Variants in ARHGAP28 observed in about 807,000 individuals in gnomAD.
The protein encoded by ARHGAP28 is rho GTPase-activating protein 28.
Under a neutral mutation model 90.7 loss-of-function variants are expected in ARHGAP28, and 56 were observed. That is an observed-to-expected ratio of 0.62 (90% CI 0.50 to 0.77). The LOEUF is 0.77. Ranked by LOEUF, ARHGAP28 falls within the 30% of genes least tolerant of loss-of-function variation. The pLI is 0.00. For missense variants in ARHGAP28, 869 were observed against 900.9 expected, an observed-to-expected ratio of 0.96 and a Z score of 0.45; for synonymous variants, 308 against 323.3, an observed-to-expected ratio of 0.95 and a Z score of 0.51.
At chr18:6,902,365 T>C (rs34607781) in intron 16 of ARHGAP28, among the ~76,000 whole-genome samples, 80,016 of 151,942 alleles carry the variant, frequency 0.53, 21,353 homozygotes, top group Middle Eastern at 0.63. Flanking sequence ...ACCATTGTCA[T>C]AGTTTTTCTG....
At chr18:6,753,082 G>C (rs748306788) in intron 1 of ARHGAP28, among the ~76,000 whole-genome samples, 1 of 151,992 alleles carries the variant, frequency 6.6e-6, no homozygotes, top group Non-Finnish European at 1.5e-5. Context: ...AGTGATTCTG[G>C]GTCTAGACTA....
chr18:6,764,638 C>A (rs1352174425), intron 1 of ARHGAP28, among the ~76,000 whole-genome samples: 1 of 152,160 alleles, frequency 6.6e-6, no homozygotes, highest in East Asian at 1.9e-4. Context: ...TTGGATATGA[C>A]CTGTGTGTTA....
At chr18:6,891,709 T>C (rs1381061677) in intron 14 of ARHGAP28, among the ~76,000 whole-genome samples, 10 of 152,098 alleles carry the variant, frequency 6.6e-5, no homozygotes, top group Admixed American at 5.9e-4. Flanking sequence ...TGCCTGAGCC[T>C]CTCCAGTAGC....
At chr18:6,760,154 C>T (rs922743001) in intron 1 of ARHGAP28, among the ~76,000 whole-genome samples, 1 of 152,024 alleles carries the variant, frequency 6.6e-6, no homozygotes, top group Non-Finnish European at 1.5e-5. Flanking sequence ...AGAAGTGCAG[C>T]GAACAGATAG....
intron 1 of ARHGAP28, among the ~76,000 whole-genome samples, chr18:6,796,349 A>C (rs910235247): frequency 6.6e-6 from 1 of 152,026 alleles, no homozygotes; most frequent in Non-Finnish European, 1.5e-5. Flanking sequence ...ACAAATCTTC[A>C]GCTTCCCTCA....
chr18:6,853,801 A>C (rs532882092), intron 4 of ARHGAP28, among the ~76,000 whole-genome samples: 2 of 152,216 alleles, frequency 1.3e-5, no homozygotes, highest in East Asian at 3.9e-4. Flanking sequence ...AAATCTACCC[A>C]TGACCTGGAA....
At chr18:6,896,475 CTG>C (rs1567986534) in intron 15 of ARHGAP28, 25 bp from the exon 16 acceptor site, 1 of 1,611,448 alleles carries the variant, frequency 6.2e-7, no homozygotes, top group East Asian at 2.2e-5. Context: ...GTTTGACAGA[CTG>C]TACTGAATTT....
At chr18:6,873,611 T>G (rs946008467) in intron 8 of ARHGAP28, 37 bp downstream of exon 8, 17 of 1,610,196 alleles carry the variant, frequency 1.1e-5, no homozygotes, top group Middle Eastern at 1.7e-4. Context: ...GCTTTAACAC[T>G]TTGACACAGT....
At chr18:6,885,601 A>T (rs937012575) in intron 11 of ARHGAP28, among the ~76,000 whole-genome samples, 37 of 152,224 alleles carry the variant, frequency 2.4e-4, no homozygotes, top group African/African-American at 8.0e-4. Context: ...AATACTTGTG[A>T]CGGGGATGTA....
chr18:6,853,158 C>T (rs962829309), intron 4 of ARHGAP28, among the ~76,000 whole-genome samples: 2 of 152,128 alleles, frequency 1.3e-5, no homozygotes, highest in Non-Finnish European at 2.9e-5. Flanking sequence ...ACCTGGGGGT[C>T]CATGGTGTAA....
chr18:6,784,728 A>G (rs1011303151), intron 1 of ARHGAP28, among the ~76,000 whole-genome samples: 3 of 152,234 alleles, frequency 2.0e-5, no homozygotes, highest in Non-Finnish European at 2.9e-5. Context: ...ACAAAGGCCA[A>G]AGTTATCCAA....
intron 2 of ARHGAP28, among the ~76,000 whole-genome samples, chr18:6,828,169 T>G (rs1406718752): frequency 6.6e-6 from 1 of 152,192 alleles, no homozygotes; most frequent in African/African-American, 2.4e-5. Context: ...GCCAACACAG[T>G]GAAACCCCGT....
intron 11 of ARHGAP28, among the ~76,000 whole-genome samples, chr18:6,885,289 AC>A (rs1264353982): frequency 6.6e-6 from 1 of 152,204 alleles, no homozygotes; most frequent in Admixed American, 6.5e-5. Flanking sequence ...CTGGCCTGCT[AC>A]CAGCAGGAAA....
chr18:6,803,395 C>T (rs1306018241), intron 1 of ARHGAP28, among the ~76,000 whole-genome samples: 1 of 151,848 alleles, frequency 6.6e-6, no homozygotes, highest in Non-Finnish European at 1.5e-5. Context: ...GATTATTTTT[C>T]AAACGTTAAA....
intron 1 of ARHGAP28, among the ~76,000 whole-genome samples, chr18:6,744,305 A>G (rs2056004142): frequency 6.6e-6 from 1 of 152,124 alleles, no homozygotes; most frequent in Non-Finnish European, 1.5e-5. Flanking sequence ...TGAGGGTGGG[A>G]GAGTAGAGAC....
chr18:6,731,592 A>G (rs1035172967), intron 1 of ARHGAP28, among the ~76,000 whole-genome samples: 2 of 152,192 alleles, frequency 1.3e-5, no homozygotes, highest in African/African-American at 4.8e-5. Context: ...CCAAGTTTGC[A>G]TTTTTGGTGA....
intron 1 of ARHGAP28, among the ~76,000 whole-genome samples, chr18:6,798,887 A>G (rs1031038695): frequency 1.3e-4 from 20 of 152,210 alleles, no homozygotes; most frequent in African/African-American, 4.8e-4. Context: ...TGCATTTAAT[A>G]TTTACTCATG....
chr18:6,760,351 T>A (rs774977991), intron 1 of ARHGAP28, among the ~76,000 whole-genome samples: 1 of 152,156 alleles, frequency 6.6e-6, no homozygotes, highest in Non-Finnish European at 1.5e-5. Flanking sequence ...CAAACCAGAC[T>A]ACAATCCCCA....
chr18:6,841,203 C>CTCTCCTCTCTCACTGTCT (rs754874496), intron 3 of ARHGAP28, among the ~76,000 whole-genome samples: 1 of 41,972 alleles, frequency 2.4e-5, no homozygotes, highest in Non-Finnish European at 4.2e-5. Flanking sequence ...CTCTCTCTCT[C>CTCTCCTCTCTCACTGTCT]CTCTCCTCTC....
Sources: gnomAD v4.1 joint callset for allele counts (sites outside exome capture counted in the v4.1 genomes callset) on GRCh38, gnomAD v4.1.1 for gene constraint, MANE v1.5 for transcripts, NCBI Gene and HGNC (gene_info 2026-07-23, HGNC 2026-07-21) for gene names.